Variants in EPB41L2 observed in about 807,000 individuals in gnomAD.
The protein encoded by EPB41L2 is band 4.1-like protein 2.
In EPB41L2, 43 loss-of-function variants were observed where a neutral mutation model predicts 113.0. The observed-to-expected ratio is 0.38, with a 90% CI of 0.30 to 0.49. The LOEUF (loss-of-function observed/expected upper bound fraction) is 0.49, where lower values mean the gene tolerates loss of function less well. EPB41L2 is among the 20% of genes least tolerant of loss of function. EPB41L2 has a pLI of 0.95. For missense variants in EPB41L2, 1,147 were observed against 1,223.4 expected (o/e 0.94, Z 0.93); for synonymous variants, 442 against 436.7 (o/e 1.01, Z -0.15).
At chr6:131,004,115 T>A (rs1197396274) in intron 1 of EPB41L2, among the ~76,000 whole-genome samples, 1 of 152,220 alleles carries the variant, frequency 6.6e-6, no homozygotes, top group African/African-American at 2.4e-5. Flanking sequence ...AACGACTTGT[T>A]CTGCCTGCCT....
chr6:130,905,189 T>C (rs973163186), intron 5 of EPB41L2, among the ~76,000 whole-genome samples: 1 of 152,158 alleles, frequency 6.6e-6, no homozygotes, highest in African/African-American at 2.4e-5. Context: ...CAAGCAACCA[T>C]ATCATAAATG....
intron 1 of EPB41L2, among the ~76,000 whole-genome samples, chr6:130,983,232 CG>C (rs1189729109): frequency 7.9e-5 from 12 of 152,174 alleles, no homozygotes; most frequent in Admixed American, 5.2e-4. Flanking sequence ...CACACATATA[CG>C]TATCAACAGA....
intron 1 of EPB41L2, among the ~76,000 whole-genome samples, chr6:131,052,238 C>T (rs1212212154): frequency 6.6e-6 from 1 of 152,120 alleles, no homozygotes; most frequent in African/African-American, 2.4e-5. Flanking sequence ...CACCCAGCCA[C>T]TGATGTTGAT....
chr6:130,846,802 A>G (rs1486933711), intron 19 of EPB41L2, among the ~76,000 whole-genome samples: 1 of 152,230 alleles, frequency 6.6e-6, no homozygotes, highest in Non-Finnish European at 1.5e-5. Flanking sequence ...TCAAATAGTA[A>G]TAAAGATACT....
At chr6:130,860,139 C>T (rs752182121) in intron 18 of EPB41L2, among the ~76,000 whole-genome samples, 5 of 152,226 alleles carry the variant, frequency 3.3e-5, no homozygotes, top group Non-Finnish European at 5.9e-5. Flanking sequence ...CCATTTACTA[C>T]ATGTTGGTTT....
At chr6:130,844,086 G>A (rs1719657025) in intron 19 of EPB41L2, among the ~76,000 whole-genome samples, 1 of 152,216 alleles carries the variant, frequency 6.6e-6, no homozygotes, top group Non-Finnish European at 1.5e-5. Context: ...TACTAGCAAT[G>A]CTGCCTTTAA....
At chr6:130,963,191 A>G (rs1774064271) in intron 1 of EPB41L2, among the ~76,000 whole-genome samples, 1 of 152,182 alleles carries the variant, frequency 6.6e-6, no homozygotes, top group Non-Finnish European at 1.5e-5. Flanking sequence ...TGGCTCAATG[A>G]GCCAGGGATT....
At position 130,974,355 on chromosome 6, in the gene EPB41L2, C is replaced by CAA. The variant is rs201763478; in HGVS notation, c.-14-17857_-14-17856insTT. 8.1e-3 allele frequency among the ~76,000 whole-genome samples: 1,233 copies of CAA among 152,092 alleles called. 12 individuals are homozygous for CAA. The highest frequency in any genetic ancestry group is 0.028 in the African/African-American group (1,161 of 41,478). ...AATAAGTACCTGTTGTGTAAGTCAC[C>CAA]CAGTCTATGGTATTTTATTATGGCA... On this transcript the variant is annotated intron_variant, in intron 1 of 19. Coordinates refer to ENST00000337057, the MANE Select transcript of EPB41L2 (RefSeq NM_001431.4).
chr6:130,916,448 A>G (rs1212111468), intron 4 of EPB41L2, among the ~76,000 whole-genome samples: 1 of 152,200 alleles, frequency 6.6e-6, no homozygotes, highest in Admixed American at 6.5e-5. Flanking sequence ...AAGCTTAATT[A>G]TGAATCCTAA....
chr6:131,000,978 G>GAGAC (rs66522635), intron 1 of EPB41L2, among the ~76,000 whole-genome samples: 41 of 39,896 alleles, frequency 1.0e-3, no homozygotes, highest in Non-Finnish European at 1.3e-3. Context: ...AAATGATCTG[G>GAGAC]AGTGCAGCTC....
At chr6:130,884,340 A>C (rs1790243438) in intron 12 of EPB41L2, among the ~76,000 whole-genome samples, 1 of 152,178 alleles carries the variant, frequency 6.6e-6, no homozygotes, top group Non-Finnish European at 1.5e-5. Flanking sequence ...CATCTCGAAA[A>C]AATAAAAAAA....
At chr6:130,996,341 G>A (rs1045737533) in intron 1 of EPB41L2, among the ~76,000 whole-genome samples, 1 of 152,202 alleles carries the variant, frequency 6.6e-6, no homozygotes, top group Non-Finnish European at 1.5e-5. Context: ...CAGATGACAG[G>A]AGTCAGGCCA....
chr6:131,000,982 G>T (rs1784232311), intron 1 of EPB41L2, among the ~76,000 whole-genome samples: 1 of 152,124 alleles, frequency 6.6e-6, no homozygotes, highest in Admixed American at 6.6e-5. Flanking sequence ...GATCTGGAGT[G>T]CAGCTCCATT....
At chr6:130,854,245 A>AG (rs1779586338) in intron 19 of EPB41L2, among the ~76,000 whole-genome samples, 1 of 152,092 alleles carries the variant, frequency 6.6e-6, no homozygotes, top group Non-Finnish European at 1.5e-5. Context: ...CTCTCTGCCA[A>AG]GGAGGGGGAC....
chr6:130,944,416 T>C (rs1812074539), intron 3 of EPB41L2, among the ~76,000 whole-genome samples: 1 of 152,128 alleles, frequency 6.6e-6, no homozygotes, highest in South Asian at 2.1e-4. Flanking sequence ...GAGAAGAAAG[T>C]TATTTTTCCA....
intron 15 of EPB41L2, 137 bp downstream of exon 15, chr6:130,869,426 C>G (rs961951601): frequency 4.6e-5 from 38 of 831,992 alleles, no homozygotes; most frequent in South Asian, 2.6e-4. Flanking sequence ...GTGCTTCCCC[C>G]TTCCTCCCAT....
At chr6:130,850,151 A>G (rs966143432) in intron 19 of EPB41L2, among the ~76,000 whole-genome samples, 2 of 151,968 alleles carry the variant, frequency 1.3e-5, no homozygotes, top group Non-Finnish European at 2.9e-5. Flanking sequence ...GGTAGGAGAA[A>G]CGCTTGAACC....
At chr6:130,958,272 C>T (rs1228219705) in intron 1 of EPB41L2, among the ~76,000 whole-genome samples, 2 of 151,850 alleles carry the variant, frequency 1.3e-5, no homozygotes, top group Non-Finnish European at 2.9e-5. Context: ...GCCAACATGG[C>T]GAAACCCCAT....
chr6:130,869,525 G>C, intron 15 of EPB41L2, 38 bp downstream of exon 15: 1 of 1,577,106 alleles, frequency 6.3e-7, no homozygotes, highest in Non-Finnish European at 8.7e-7. Flanking sequence ...CTGAGAAGCA[G>C]CTCTAGAGTT....
Sources: gnomAD v4.1 joint callset for allele counts (sites outside exome capture counted in the v4.1 genomes callset) on GRCh38, gnomAD v4.1.1 for gene constraint, MANE v1.5 for transcripts, NCBI Gene and HGNC (gene_info 2026-07-23, HGNC 2026-07-21) for gene names.